AFF4: variants seen among roughly 807,000 people sequenced by gnomAD.
AFF4 encodes ALF transcription elongation factor 4.
A neutral mutation model predicts 124.8 loss-of-function variants in AFF4; 13 were observed. The ratio of observed to expected loss-of-function variants is 0.10; its 90% CI spans 0.07 to 0.17. The LOEUF (loss-of-function observed/expected upper bound fraction) is 0.17, where lower values mean the gene tolerates loss of function less well. Ranked by LOEUF, AFF4 falls within the 10% of genes least tolerant of loss-of-function variation. The pLI, the probability that AFF4 is intolerant of heterozygous loss-of-function variation, is 1.00. For synonymous variants in AFF4, 477 were observed against 496.1 expected (o/e 0.96, Z 0.51); for missense variants, 1,092 against 1,403.8 (o/e 0.78, Z 3.55).
rs903972654 is a variant in AFF4 at position 132,899,280 on chromosome 5, T to C, written c.1189-139A>G. On this transcript the variant is annotated intron_variant, in intron 8 of 20. Transcript: ENST00000265343. ...ACAATATTTAGCACTTATACTGTTTTTACCTGAAGAGTAACTGAATTGCCA... is the reference window on the plus strand; with the variant it reads ...ACAATATTTAGCACTTATACTGTTTCTACCTGAAGAGTAACTGAATTGCCA... The C allele has an allele frequency of 1.5e-5, 12 of 775,866 alleles. No individual in the cohort carries two copies. The African/African-American group carries it at 1.6e-4, about 10-fold the overall frequency. 48.1% of individuals were successfully genotyped at this position (775,866 alleles called of 1,614,324 possible). A position where few individuals can be genotyped will look rare whatever the true frequency, so the allele number is the denominator to read the frequency against.
chr5:132,921,129 A>C (rs1222887333), intron 5 of AFF4, among the ~76,000 whole-genome samples: 6 of 149,900 alleles, frequency 4.0e-5, no homozygotes, highest in East Asian at 2.0e-4. Flanking sequence ...TCTGTCACAA[A>C]AAAAAAAAAA....
chr5:132,935,795 C>T (rs558609150), intron 2 of AFF4, among the ~76,000 whole-genome samples: 12 of 149,776 alleles, frequency 8.0e-5, no homozygotes, highest in Admixed American at 1.3e-4. Flanking sequence ...AGGTGGTGCA[C>T]GCCTGTAATC....
At chr5:132,946,346 C>T (rs181918220) in intron 1 of AFF4, among the ~76,000 whole-genome samples, 2 of 152,294 alleles carry the variant, frequency 1.3e-5, no homozygotes, top group East Asian at 3.9e-4. Flanking sequence ...GAGACTCAAA[C>T]AGATCCATGT....
chr5:132,940,271 G>A (rs189020966), intron 1 of AFF4, among the ~76,000 whole-genome samples: 30 of 151,762 alleles, frequency 2.0e-4, no homozygotes, highest in Middle Eastern at 6.8e-3. Flanking sequence ...TGGCGGAGGC[G>A]GGCAGATCAC....
intron 6 of AFF4, 138 bp downstream of exon 6, chr5:132,904,230 A>AG: frequency 1.5e-6 from 1 of 688,126 alleles, no homozygotes; most frequent in Non-Finnish European, 2.3e-6. Context: ...ACACTCCAGA[A>AG]AAAAAAAAAA....
Position 132,897,045 on chromosome 5 carries a change from G to A in AFF4, c.1585C>T (p.Pro529Ser). 8 of 1,614,186 alleles carry A rather than the reference G, an allele frequency of 5.0e-6. No homozygotes were observed. Among genetic ancestry groups the A allele is most frequent in the Non-Finnish European group, 6.8e-6 (8 of 1,180,024 alleles). Residue 529 changes from proline (P) to serine (S), a missense_variant, in exon 11 of 21, where the codon CCG (proline) becomes TCG (serine). By Grantham distance (74) the Pro-to-Ser change is moderately conservative. This residue lies in a region of AFF4 where 174 missense variants were observed against 205.9 expected (regional missense o/e 0.84). Coordinates refer to ENST00000265343, the MANE Select transcript of AFF4 (RefSeq NM_014423.4). ...TGGATGGTTTTGGAGTCTCGTCCCG[G>A]AGTAGCGGAACTCGTTTCTTTAGGT... ...SGPKETSSAT[P>S]GRDSKTIQKG...
Position 132,886,290 on chromosome 5 carries a change from T to C in AFF4, c.3099+20A>G. 6.2e-7 allele frequency: 1 copy of C among 1,609,184 alleles called. No homozygotes were observed. Among genetic ancestry groups the C allele is most frequent in the East Asian group, 2.2e-5 (1 of 44,810 alleles). ...AATTCTGTCTCCTAGGAAACGGACC[T>C]TGTGCTTTTGCATACTTACCTTCAG... On this transcript the variant is annotated intron_variant, in intron 18 of 20. Transcript: ENST00000265343.
chr5:132,960,298 A>T (rs1762054747), intron 1 of AFF4, among the ~76,000 whole-genome samples: 1 of 152,202 alleles, frequency 6.6e-6, no homozygotes, highest in Non-Finnish European at 1.5e-5. Context: ...TCATAGTGAG[A>T]TATCTGTAGA....
At chr5:132,885,214 C>T (rs567551239) in intron 18 of AFF4, 95 bp from the exon 19 acceptor site, 50 of 869,172 alleles carry the variant, frequency 5.8e-5, no homozygotes, top group Non-Finnish European at 8.4e-5. Context: ...AAGAGCTCAT[C>T]GTGAGCAGCT....
intron 18 of AFF4, among the ~76,000 whole-genome samples, chr5:132,885,511 A>G (rs1288995822): frequency 1.3e-5 from 2 of 151,730 alleles, no homozygotes; most frequent in South Asian, 4.2e-4. Context: ...GATGAATCAT[A>G]CTATGCACAA....
In AFF4 at chr5:132,934,697, C is replaced by T. The variant is rs1390845596; in HGVS notation, c.368G>A (p.Arg123Gln). 1.9e-6 allele frequency: 3 copies of T among 1,614,058 alleles called. No homozygotes were observed. Among genetic ancestry groups the T allele is most frequent in the African/African-American group, 1.3e-5 (1 of 75,008 alleles). The change falls in exon 3 of 21, where the codon CGG (arginine) becomes CAG (glutamine). Residue 123 changes from arginine (R) to glutamine (Q), a missense_variant. Coordinates refer to ENST00000265343, the MANE Select transcript of AFF4 (RefSeq NM_014423.4). ...ATGTCCACTCTGTAAGCCTGAGGAC[C>T]GTTTCTGAGACTGAGAAGTGCTGGG... is the stretch of plus-strand genomic sequence containing the variant. ...PAPSTSQSQK[R>Q]SSGLQSGHSS...
intron 5 of AFF4, among the ~76,000 whole-genome samples, chr5:132,907,791 G>C (rs1760703642): frequency 6.6e-6 from 1 of 152,116 alleles, no homozygotes; most frequent in Non-Finnish European, 1.5e-5. Flanking sequence ...CAGCTTAAAG[G>C]GAAGAGCATG....
At chr5:132,951,695 T>G (rs1309170135) in intron 1 of AFF4, among the ~76,000 whole-genome samples, 1 of 152,174 alleles carries the variant, frequency 6.6e-6, no homozygotes, top group African/African-American at 2.4e-5. Context: ...ACCAGGCTAA[T>G]TTTTGTATTT....
Position 132,960,846 on chromosome 5 carries a change from T to C in AFF4, c.-5+2413A>G, listed in dbSNP as rs146010343. Among the ~76,000 whole-genome samples, 1,135 of 152,256 alleles carry C rather than the reference T, an allele frequency of 7.5e-3. 46 individuals are homozygous for C. Among genetic ancestry groups the C allele is most frequent in the Admixed American group, 0.068 (1,040 of 15,280 alleles). ...TAACAGATCTGTAAGAAAATTATTA[T>C]GCATCCCTCAATATCTGCAAGAGAC... On this transcript the variant is annotated intron_variant, in intron 1 of 20. Transcript: ENST00000265343.
At chr5:132,949,209 CTTTTTTTTTTTT>C (rs368713051) in intron 1 of AFF4, among the ~76,000 whole-genome samples, 1 of 112,208 alleles carries the variant, frequency 8.9e-6, no homozygotes, top group East Asian at 2.5e-4. Context: ...TTATTTCTGC[CTTTTTTTTTTTT>C]TTTTTTTTTG....
chr5:132,893,144 C>A lies in AFF4; in HGVS notation c.2308-26G>T. 5 of 1,603,354 alleles carry A rather than the reference C, an allele frequency of 3.1e-6. No individual in the cohort carries two copies. In the South Asian group the frequency reaches 4.4e-5, roughly 14 times the overall value. On this transcript the variant is annotated intron_variant, in intron 11 of 20. Coordinates refer to ENST00000265343, the MANE Select transcript of AFF4 (RefSeq NM_014423.4). ...CTAGATGAAAAATAGAAACCGTGGT[C>A]TGATTTTTATTCAACTAACTTCAGC... is the stretch of plus-strand genomic sequence containing the variant.
At chr5:132,959,188 C>T (rs1437953617) in intron 1 of AFF4, among the ~76,000 whole-genome samples, 1 of 149,044 alleles carries the variant, frequency 6.7e-6, no homozygotes, top group Non-Finnish European at 1.5e-5. Context: ...TGCAGTGGTG[C>T]GATCTCAGCT....
At chr5:132,925,023 A>C (rs1236976816) in intron 5 of AFF4, among the ~76,000 whole-genome samples, 1 of 151,586 alleles carries the variant, frequency 6.6e-6, no homozygotes, top group Admixed American at 6.6e-5. Context: ...AAAAATACAA[A>C]AATCAGCTGG....
At chr5:132,925,129 C>CA (rs1326316666) in intron 5 of AFF4, among the ~76,000 whole-genome samples, 2 of 151,974 alleles carry the variant, frequency 1.3e-5, no homozygotes, top group African/African-American at 4.8e-5. Flanking sequence ...GAGCCAAGAT[C>CA]ACACCATTGC....
Sources: allele counts gnomAD v4.1 joint callset (sites outside exome capture counted in the v4.1 genomes callset), GRCh38; gene constraint gnomAD v4.1.1; regional missense constraint gnomAD v4.1.1; transcripts MANE v1.5; gene names NCBI Gene and HGNC (gene_info 2026-07-23, HGNC 2026-07-21).